SRCAP: variants seen among roughly 807,000 people sequenced by gnomAD.
The protein encoded by SRCAP is Snf2 related CREBBP activator protein.
Under a neutral mutation model 263.1 loss-of-function variants are expected in SRCAP, and 46 were observed. That is an observed-to-expected ratio of 0.17 (90% CI 0.14 to 0.22). The LOEUF (loss-of-function observed/expected upper bound fraction) is 0.22. Ranked by LOEUF, SRCAP falls within the 10% of genes least tolerant of loss-of-function variation. The probability of loss-of-function intolerance (pLI) is 1.00; values close to 1 mark genes in which losing one functional copy is unlikely to be tolerated. For synonymous variants in SRCAP, 1,813 were observed against 1,662.1 expected (o/e 1.09, Z -2.21); for missense variants, 3,695 against 4,181.9 (o/e 0.88, Z 3.21).
chr16:30,713,430 G>C (rs2052912947), intron 15 of SRCAP, 53 bp downstream of exon 15: 1 of 1,611,776 alleles, frequency 6.2e-7, no homozygotes, highest in African/African-American at 1.3e-5. Flanking sequence ...AGAAGGGAGG[G>C]CTGCCTGGGT....
In SRCAP at chr16:30,738,232, G is replaced by A. The variant is rs1342020869; in HGVS notation, c.8192G>A (p.Arg2731Lys). ...CGCACCAGTGCTGATGTGGAAATTA[G>A]GGGTCAAGGGACTGGTCGGCCAGGA... ...RRRTSADVEI[R>K]GQGTGRPGQP... The change falls in exon 34 of 34, where the codon AGG becomes AAG. Residue 2731 changes from arginine (R) to lysine (K), a missense_variant. Arg to Lys is a conservative substitution (Grantham distance 26, BLOSUM62 2). Coordinates refer to ENST00000262518, the MANE Select transcript of SRCAP (RefSeq NM_006662.3). 1.2e-6 allele frequency: 2 copies of A among 1,614,140 alleles called. No homozygotes were observed. The highest frequency in any genetic ancestry group is 1.3e-5 in the African/African-American group (1 of 75,070).
At chr16:30,701,596 C>G (rs2052766871) in intron 3 of SRCAP, among the ~76,000 whole-genome samples, 1 of 151,434 alleles carries the variant, frequency 6.6e-6, no homozygotes, top group Admixed American at 6.6e-5. Context: ...CCCTGAGTAT[C>G]CACCTTTCAG....
At position 30,710,077 on chromosome 16, in the gene SRCAP, C is replaced by T. The variant is rs2052870847; in HGVS notation, c.1083C>T (p.Thr361=). The T allele has an allele frequency of 6.2e-6, 10 of 1,614,092 alleles. No individual in the cohort carries two copies. The highest frequency in any genetic ancestry group is 7.6e-6 in the Non-Finnish European group (9 of 1,180,030). Residue 361 remains threonine (T), a synonymous_variant, in exon 8 of 34, where the codon ACC becomes ACT. Transcript: ENST00000262518. Reference sequence around the variant, plus strand: ...CCCCCTCATCTCATGATAGTGACACCCGAGATGGGCCTGAAGAAGGTGCTG... The same window carrying T: ...CCCCCTCATCTCATGATAGTGACACTCGAGATGGGCCTGAAGAAGGTGCTG... ...SQTPSSHDSD[T]RDGPEEGAEE...
intron 18 of SRCAP, among the ~76,000 whole-genome samples, chr16:30,716,895 CT>C (rs2052956392): frequency 1.3e-5 from 2 of 152,176 alleles, no homozygotes; most frequent in Admixed American, 1.3e-4. Flanking sequence ...TTCTTTCCAC[CT>C]TTTGTCTCTT....
intron 18 of SRCAP, among the ~76,000 whole-genome samples, chr16:30,717,116 T>C (rs2052958416): frequency 6.6e-6 from 1 of 152,206 alleles, no homozygotes; most frequent in Admixed American, 6.5e-5. Context: ...TTACCTGTTA[T>C]TTCTTTTTTT....
chr16:30,729,166 G>T lies in SRCAP; in HGVS notation c.5859G>T (p.Glu1953Asp). ...ACCCCACCTTTTGGACTTATACCGA[G>T]GCTGCCCACCGGGCTGTACTGTTTC... is the stretch of plus-strand genomic sequence containing the variant. Reference protein sequence around the residue: ...PSHPTFWTYTEAAHRAVLFPQ... With the variant: ...PSHPTFWTYTDAAHRAVLFPQ... The change falls in exon 26 of 34, where the codon GAG becomes GAT. Residue 1953 changes from glutamate to aspartate, a missense_variant. Glu to Asp is a conservative substitution (Grantham distance 45). This residue lies in a region of SRCAP where 1,347 missense variants were observed against 1,304.4 expected (regional missense o/e 1.03). Coordinates refer to ENST00000262518, the MANE Select transcript of SRCAP (RefSeq NM_006662.3). 1 of 1,614,046 alleles carries T rather than the reference G, an allele frequency of 6.2e-7. No individual in the cohort carries two copies.
At position 30,711,733 on chromosome 16, in the gene SRCAP, G is replaced by C. The variant is rs1205036821; in HGVS notation, c.1481G>C (p.Ser494Thr). Reference protein sequence around the residue: ...EAEEPPQEDSSSQSDSVEDRS... With the variant: ...EAEEPPQEDSTSQSDSVEDRS... ...GAAGAGCCTCCTCAGGAGGATAGTA[G>C]CAGTCAGTCAGGTGAATATGTGGTC... Residue 494 changes from serine (S) to threonine (T), a missense_variant, in exon 11 of 34, where the codon AGC (serine) becomes ACC (threonine). Physicochemically the swap from Ser to Thr is moderately conservative, Grantham distance 58. Around this residue, in one of 12 missense-constraint regions of SRCAP, gnomAD observed 288 missense variants for 302.4 expected, o/e 0.95. Transcript: ENST00000262518. 1.2e-6 allele frequency: 2 copies of C among 1,612,890 alleles called. No individual in the cohort carries two copies. Among genetic ancestry groups the C allele is most frequent in the Non-Finnish European group, 1.7e-6 (2 of 1,179,396 alleles).
chr16:30,711,593 A>G lies in SRCAP; in HGVS notation c.1341A>G (p.Leu447=). ...AREGELSMEE[L]LQQYAGAYAP... is the part of the protein sequence containing the mutation. ...CAGGTGAGCTTTCCATGGAGGAGCT[A>G]TTGCAGCAGTATGCAGGAGCCTATG... Residue 447 remains leucine, a synonymous_variant, in exon 11 of 34, where the codon CTA becomes CTG. Transcript: ENST00000262518. The G allele has an allele frequency of 6.3e-7, 1 of 1,597,520 alleles. No individual in the cohort carries two copies. Among genetic ancestry groups the G allele is most frequent in the South Asian group, 1.1e-5 (1 of 89,792 alleles).
chr16:30,702,046 C>T (rs977815276), intron 3 of SRCAP, among the ~76,000 whole-genome samples: 25 of 150,354 alleles, frequency 1.7e-4, no homozygotes, highest in African/African-American at 2.5e-5. Context: ...CTCCGCCTCC[C>T]GGGTTCAAAC....
intron 3 of SRCAP, among the ~76,000 whole-genome samples, chr16:30,702,585 C>CCCTT (rs1425432957): frequency 7.9e-6 from 1 of 127,130 alleles, no homozygotes; most frequent in Non-Finnish European, 1.7e-5. Flanking sequence ...CTCCCTCCCT[C>CCCTT]CCTTCCCTGC....
intron 4 of SRCAP, among the ~76,000 whole-genome samples, chr16:30,706,728 CTGAG>C (rs752221737): frequency 3.3e-5 from 5 of 152,268 alleles, no homozygotes; most frequent in Non-Finnish European, 7.3e-5. Context: ...TGAAAATACT[CTGAG>C]TAAGTAGAAT....
chr16:30,735,595 C>T (rs1209388070), intron 31 of SRCAP, among the ~76,000 whole-genome samples: 18 of 63,994 alleles, frequency 2.8e-4, no homozygotes, highest in Middle Eastern at 0.022. Flanking sequence ...TTTTTGGAGA[C>T]GGAGTCACGG....
chr16:30,719,372 C>T (rs1479584511), intron 18 of SRCAP, among the ~76,000 whole-genome samples: 13 of 149,694 alleles, frequency 8.7e-5, no homozygotes, highest in African/African-American at 3.0e-4. Flanking sequence ...CGTGCCACCA[C>T]GCCTGGCTAA....
chr16:30,711,604 A>G lies in SRCAP; in HGVS notation c.1352A>G (p.Tyr451Cys). Reference protein sequence around the residue: ...ELSMEELLQQYAGAYAPGSGS... With the variant: ...ELSMEELLQQCAGAYAPGSGS... ...TCCATGGAGGAGCTATTGCAGCAGT[A>G]TGCAGGAGCCTATGCCCCAGGCTCT... is the stretch of plus-strand genomic sequence containing the variant. Residue 451 changes from tyrosine to cysteine, a missense_variant, in exon 11 of 34, where the codon TAT becomes TGT. By Grantham distance (194) the Tyr-to-Cys change is radical (BLOSUM62 -2). Coordinates refer to ENST00000262518, the MANE Select transcript of SRCAP (RefSeq NM_006662.3). 1 of 1,610,730 alleles carries G rather than the reference A, an allele frequency of 6.2e-7. No individual in the cohort carries two copies. Among genetic ancestry groups the G allele is most frequent in the Non-Finnish European group, 8.5e-7 (1 of 1,178,920 alleles).
Position 30,733,496 on chromosome 16 carries a change from C to T in SRCAP, c.6297+47C>T. On this transcript the variant is annotated intron_variant, in intron 28 of 33. Coordinates refer to ENST00000262518, the MANE Select transcript of SRCAP (RefSeq NM_006662.3). This position sits in a 1 kb window ranked among gnomAD's most constrained non-coding sequence, Gnocchi z 5.3. Reference sequence around the variant, plus strand: ...CTTAGAGGCTCACCTCCGCTTCTCTCTCCTTTTCCCAGGATTTGGGCTTCC... The same window carrying T: ...CTTAGAGGCTCACCTCCGCTTCTCTTTCCTTTTCCCAGGATTTGGGCTTCC... 1 of 1,610,204 alleles carries T rather than the reference C, an allele frequency of 6.2e-7. No individual in the cohort carries two copies.
At position 30,734,012 on chromosome 16, in the gene SRCAP, C is replaced by T; in HGVS notation, c.6609+4C>T. 2.5e-6 allele frequency: 4 copies of T among 1,598,426 alleles called. No individual in the cohort carries two copies. Among genetic ancestry groups the T allele is most frequent in the Non-Finnish European group, 3.4e-6 (4 of 1,171,784 alleles). ...CACCACAGCCTATTTCAAACAGGTACTAAGTAAGATCTTTTAGCCTATGCA... is the reference window on the plus strand; with the variant it reads ...CACCACAGCCTATTTCAAACAGGTATTAAGTAAGATCTTTTAGCCTATGCA... On this transcript the variant is annotated splice_donor_region_variant and intron_variant, in intron 30 of 33. Transcript: ENST00000262518.
At chr16:30,710,163 G>C (rs780150135) in intron 8 of SRCAP, 35 bp downstream of exon 8, 27 of 1,592,884 alleles carry the variant, frequency 1.7e-5, no homozygotes, top group Middle Eastern at 1.9e-4. Context: ...GGGTTCAGAG[G>C]GGGAACAGAG....
rs948764194 is a variant in SRCAP, at chr16:30,724,495, C to T, written c.5071C>T (p.Leu1691Phe). 1.2e-6 allele frequency: 2 copies of T among 1,614,046 alleles called. No individual in the cohort carries two copies. The highest frequency in any genetic ancestry group is 1.1e-5 in the South Asian group (1 of 91,092). The change falls in exon 25 of 34, where the codon CTT becomes TTT. Residue 1691 changes from leucine to phenylalanine, a missense_variant. This residue lies in a region of SRCAP where 1,347 missense variants were observed against 1,304.4 expected (regional missense o/e 1.03). Coordinates refer to ENST00000262518, the MANE Select transcript of SRCAP (RefSeq NM_006662.3). ...CCTAGCCCCAGCTTTAGCACCCACTCTTGGAGGCTCATCTCCATCTCAGAC... is the reference window on the plus strand; with the variant it reads ...CCTAGCCCCAGCTTTAGCACCCACTTTTGGAGGCTCATCTCCATCTCAGAC... The part of the protein sequence containing the change: ...LALAPALAPT[L>F]GGSSPSQTLS...
chr16:30,715,368 A>G (rs1460996327), intron 16 of SRCAP, among the ~76,000 whole-genome samples: 1 of 151,440 alleles, frequency 6.6e-6, no homozygotes, highest in Non-Finnish European at 1.5e-5. Context: ...CATCAACACC[A>G]TCCTGGCTAA....
Sources: allele counts gnomAD v4.1 joint callset (sites outside exome capture counted in the v4.1 genomes callset), GRCh38; gene constraint gnomAD v4.1.1; regional missense constraint gnomAD v4.1.1; non-coding constraint Gnocchi (gnomAD v3.1); transcripts MANE v1.5; gene names NCBI Gene and HGNC (gene_info 2026-07-23, HGNC 2026-07-21).